Variants in ABCC4 observed in about 807,000 individuals in gnomAD.
ABCC4 encodes the protein ATP-binding cassette sub-family C member 4.
A neutral mutation model predicts 168.5 loss-of-function variants in ABCC4; 102 were observed. The observed-to-expected ratio is 0.61, with a 90% CI of 0.52 to 0.71. ABCC4 has a LOEUF of 0.71. ABCC4 is among the 30% of genes least tolerant of loss of function. The probability of loss-of-function intolerance (pLI) is 0.00; values close to 1 mark genes in which losing one functional copy is unlikely to be tolerated. For synonymous variants in ABCC4, 617 were observed against 590.7 expected (o/e 1.04, Z -0.65); for missense variants, 1,402 against 1,605.8 (o/e 0.87, Z 2.17).
At chr13:95,225,114 C>G (rs1362389059) in intron 4 of ABCC4, among the ~76,000 whole-genome samples, 1 of 151,364 alleles carries the variant, frequency 6.6e-6, no homozygotes, top group Non-Finnish European at 1.5e-5. Context: ...TTCTCTCCCT[C>G]TCCCCCACTG....
At chr13:95,112,688 T>C (rs1194098465) in intron 20 of ABCC4, among the ~76,000 whole-genome samples, 1 of 152,226 alleles carries the variant, frequency 6.6e-6, no homozygotes, top group Non-Finnish European at 1.5e-5. Context: ...TTCCAGTTTT[T>C]TTAAACTCAA....
intron 1 of ABCC4, among the ~76,000 whole-genome samples, chr13:95,251,765 CCT>C (rs2040267285): frequency 6.6e-6 from 1 of 152,146 alleles, no homozygotes; most frequent in Admixed American, 6.6e-5. Flanking sequence ...AATGAAATCC[CCT>C]GTGGCAGGCT....
At chr13:95,036,527 A>C (rs1030940255) in intron 29 of ABCC4, among the ~76,000 whole-genome samples, 1 of 151,674 alleles carries the variant, frequency 6.6e-6, no homozygotes. Context: ...AAAAAAAAAA[A>C]TAATGTTCTC....
chr13:95,270,403 T>C (rs754512335), intron 1 of ABCC4, among the ~76,000 whole-genome samples: 44 of 148,996 alleles, frequency 3.0e-4, no homozygotes, highest in Middle Eastern at 3.3e-3. Context: ...GTGGGCGTAA[T>C]AGTGACTGCT....
At chr13:95,065,662 TTTC>T (rs1037555040) in intron 25 of ABCC4, among the ~76,000 whole-genome samples, 73 of 152,138 alleles carry the variant, frequency 4.8e-4, no homozygotes, top group Non-Finnish European at 2.9e-5. Context: ...TCTTAATTGG[TTTC>T]TTAAAATAAA....
At chr13:95,116,062 A>T in intron 19 of ABCC4, 61 bp from the exon 20 acceptor site, 2 of 1,233,660 alleles carry the variant, frequency 1.6e-6, no homozygotes, top group Middle Eastern at 1.9e-4. Context: ...AAGAGAAACA[A>T]TTCGCAAACA....
chr13:95,055,279 C>T (rs2139269759), intron 26 of ABCC4, among the ~76,000 whole-genome samples: 1 of 152,294 alleles, frequency 6.6e-6, no homozygotes, highest in South Asian at 2.1e-4. Flanking sequence ...CTCTAAAATT[C>T]CAACCTCTGC....
intron 23 of ABCC4, 94 bp from the exon 24 acceptor site, chr13:95,073,398 T>C (rs2033796728): frequency 2.6e-6 from 2 of 780,058 alleles, no homozygotes; most frequent in Non-Finnish European, 4.1e-6. Context: ...CTTCATAATG[T>C]TGAAACAATT....
At chr13:95,258,285 G>A (rs2040442028) in intron 1 of ABCC4, among the ~76,000 whole-genome samples, 1 of 152,158 alleles carries the variant, frequency 6.6e-6, no homozygotes. Context: ...GTGGGGTGCT[G>A]TGCTTGACTG....
chr13:95,063,271 C>T (rs1359666619), intron 25 of ABCC4, among the ~76,000 whole-genome samples: 4 of 152,166 alleles, frequency 2.6e-5, no homozygotes, highest in African/African-American at 2.4e-5. Flanking sequence ...CATGAAAAGG[C>T]AACTTTTAAA....
At chr13:95,036,019 G>A (rs186367339) in intron 29 of ABCC4, among the ~76,000 whole-genome samples, 2 of 152,288 alleles carry the variant, frequency 1.3e-5, no homozygotes, top group African/African-American at 4.8e-5. Context: ...TCTCAAAAGA[G>A]TTCAAGAATA....
intron 20 of ABCC4, among the ~76,000 whole-genome samples, chr13:95,108,996 C>T (rs1285225175): frequency 1.3e-5 from 2 of 152,204 alleles, no homozygotes; most frequent in African/African-American, 4.8e-5. Context: ...GCTGAACACA[C>T]TAGACCTATA....
intron 3 of ABCC4, among the ~76,000 whole-genome samples, chr13:95,242,440 C>A (rs1048661092): frequency 1.2e-4 from 18 of 152,234 alleles, no homozygotes; most frequent in Admixed American, 3.9e-4. Flanking sequence ...GTTGGTCAGG[C>A]TGGTCTCGAA....
At position 95,267,874 on chromosome 13, in the gene ABCC4, G is replaced by T. The variant is rs549917208; in HGVS notation, c.75-20121C>A. Among the ~76,000 whole-genome samples, 7 of 152,300 alleles carry T rather than the reference G, an allele frequency of 4.6e-5. No homozygotes were observed. The South Asian group carries it at 1.2e-3, about 27-fold the overall frequency. ...CTGCTATTGCCCAACCTCCAGGGCAGGGGGTACTGGAGACTGAGATCAATC... is the reference window on the plus strand; with the variant it reads ...CTGCTATTGCCCAACCTCCAGGGCATGGGGTACTGGAGACTGAGATCAATC... On this transcript the variant is annotated intron_variant, in intron 1 of 30. Transcript: ENST00000645237.
chr13:95,159,091 TTTTATATA>T (rs1277165619), intron 19 of ABCC4, among the ~76,000 whole-genome samples: 25 of 27,476 alleles, frequency 9.1e-4, no homozygotes, highest in Middle Eastern at 0.013. Context: ...TCTAAATAAA[TTTTATATA>T]TATATATATA....
chr13:95,024,757 C>T (rs1024761510), intron 30 of ABCC4, among the ~76,000 whole-genome samples: 1 of 152,152 alleles, frequency 6.6e-6, no homozygotes, highest in African/African-American at 2.4e-5. Flanking sequence ...GTAATGGAGA[C>T]TTAGAAAGGA....
Position 95,169,141 on chromosome 13 carries a change from T to C in ABCC4, c.1824+1391A>G, listed in dbSNP as rs560428398. On this transcript the variant is annotated intron_variant, in intron 14 of 30. Transcript: ENST00000645237. ...CGAGGAAGGATTCTCCCCTGAAGCC[T>C]TCAGAGAGCGCGGCCCTGCGGACAC... Among the ~76,000 whole-genome samples, 5 of 152,252 alleles carry C rather than the reference T, an allele frequency of 3.3e-5. No individual in the cohort carries two copies. The East Asian group carries it at 5.8e-4, about 18-fold the overall frequency.
At chr13:95,069,547 A>G (rs140180292) in intron 25 of ABCC4, among the ~76,000 whole-genome samples, 150 of 152,254 alleles carry the variant, frequency 9.9e-4, no homozygotes, top group African/African-American at 3.4e-3. Context: ...AACCGTCACC[A>G]TCATCCATCT....
At chr13:95,054,020 C>CTTT (rs1566375296) in intron 26 of ABCC4, 23 of 73,166 alleles carry the variant, frequency 3.1e-4, no homozygotes, top group Non-Finnish European at 3.6e-4. Context: ...AATGGGACAT[C>CTTT]CTTTTTTTTT....
Sources: gnomAD v4.1 joint callset for allele counts (sites outside exome capture counted in the v4.1 genomes callset) on GRCh38, gnomAD v4.1.1 for gene constraint, MANE v1.5 for transcripts, NCBI Gene and HGNC (gene_info 2026-07-23, HGNC 2026-07-21) for gene names.